TENT4B: variants seen among roughly 807,000 people sequenced by gnomAD.
TENT4B encodes the protein PAP associated domain containing 5.
TENT4B carries 10 observed loss-of-function variants against 75.0 expected under a neutral mutation model. The observed-to-expected ratio is 0.13, with a 90% CI of 0.08 to 0.23. TENT4B has a LOEUF of 0.23. TENT4B is among the 10% of genes least tolerant of loss of function. The pLI, the probability that TENT4B is intolerant of heterozygous loss-of-function variation, is 1.00. For synonymous variants in TENT4B, 350 were observed against 357.7 expected (o/e 0.98, Z 0.24); for missense variants, 579 against 893.8 (o/e 0.65, Z 4.49).
chr16:50,200,990 T>C (rs1220492221), intron 1 of TENT4B, among the ~76,000 whole-genome samples: 1 of 151,798 alleles, frequency 6.6e-6, no homozygotes, highest in South Asian at 2.1e-4. Context: ...TTTGTAGAGG[T>C]GGGATCTCGC....
chr16:50,224,843 A>C (rs536022655), intron 8 of TENT4B, 48 bp from the exon 9 acceptor site: 1 of 1,611,972 alleles, frequency 6.2e-7, no homozygotes, highest in South Asian at 1.1e-5. Context: ...TCTTATCTTC[A>C]AATTAATGTT....
At chr16:50,205,558 C>CTTTTTTTTTTTTTTTTTTTTTTTT (rs535651074) in intron 1 of TENT4B, among the ~76,000 whole-genome samples, 1 of 43,966 alleles carries the variant, frequency 2.3e-5, no homozygotes, top group African/African-American at 9.1e-5. Flanking sequence ...GTTTACATGT[C>CTTTTTTTTTTTTTTTTTTTTTTTT]TTTTTTTTTT....
Position 50,216,160 on chromosome 16 carries a change from G to C in TENT4B, c.895G>C (p.Asp299His). 6.2e-7 allele frequency: 1 copy of C among 1,614,016 alleles called. No individual in the cohort carries two copies. The highest frequency in any genetic ancestry group is 8.5e-7 in the Non-Finnish European group (1 of 1,179,882). ...EEALRKHKVA[D>H]EDSVKVLDKA... ...AGCTCTTCGGAAACACAAAGTCGCA[G>C]ATGAGGATTCGGTGAAAGTTTTAGA... is the stretch of plus-strand genomic sequence containing the variant. The change falls in exon 4 of 12, where the codon GAT becomes CAT. Residue 299 changes from aspartate (D) to histidine (H), a missense_variant. Around this residue, in one of 7 missense-constraint regions of TENT4B, gnomAD observed 55 missense variants for 77.1 expected, o/e 0.71. Coordinates refer to ENST00000561678, the MANE Select transcript of TENT4B (RefSeq NM_001365324.3).
intron 1 of TENT4B, among the ~76,000 whole-genome samples, chr16:50,175,492 C>G (rs977290167): frequency 2.0e-5 from 3 of 151,994 alleles, no homozygotes; most frequent in African/African-American, 7.2e-5. Context: ...TGTCTGGATT[C>G]TCTCTTTTTT....
intron 6 of TENT4B, 61 bp downstream of exon 6, chr16:50,222,495 G>A: frequency 2.6e-6 from 4 of 1,556,720 alleles, no homozygotes; most frequent in Non-Finnish European, 3.5e-6. Context: ...CAATCAGCTG[G>A]GAAACATTTT....
chr16:50,232,188 C>T lies in TENT4B; in HGVS notation c.*2860C>T. On this transcript the variant is annotated 3_prime_UTR_variant, in exon 12 of 12. Coordinates refer to ENST00000561678, the MANE Select transcript of TENT4B (RefSeq NM_001365324.3). ...TAAAAGTATATCCATTTTTTCCCTC[C>T]AGCTTTAAGGTGACTGTGAAGGTGC... 1.0e-6 allele frequency: 1 copy of T among 985,200 alleles called. No individual in the cohort carries two copies. The allele number at this position is 985,200 out of a possible 1,614,324, so 61.0% of individuals were successfully genotyped here. A position where few individuals can be genotyped will look rare whatever the true frequency, so the allele number is the denominator to read the frequency against.
At chr16:50,153,056 G>C (rs1161854393), upstream of TENT4B, 1 of 1,479,510 alleles carries the variant, frequency 6.8e-7, no homozygotes, top group Non-Finnish European at 8.9e-7. Context: ...CTCCACAGAT[G>C]GCGCAAGTAC....
At chr16:50,221,569 A>G (rs984205234) in intron 5 of TENT4B, among the ~76,000 whole-genome samples, 13 of 152,186 alleles carry the variant, frequency 8.5e-5, no homozygotes, top group Admixed American at 2.6e-4. Context: ...AGAATAATCT[A>G]AAGGTCGCTA....
chr16:50,216,115 C>A lies in TENT4B; in HGVS notation c.850C>A (p.Pro284Thr). 1 of 1,613,956 alleles carries A rather than the reference C, an allele frequency of 6.2e-7. No homozygotes were observed. Among genetic ancestry groups the A allele is most frequent in the Non-Finnish European group, 8.5e-7 (1 of 1,179,866 alleles). Residue 284 changes from proline to threonine, a missense_variant, in exon 4 of 12, where the codon CCC (proline) becomes ACC (threonine). Transcript: ENST00000561678. ...LVVFGKWENL[P>T]LWTLEEALRK... is the part of the protein sequence containing the mutation. ...GGTGTTTGGGAAGTGGGAGAACCTACCCCTCTGGACTCTGGAAGAAGCTCT... is the reference window on the plus strand; with the variant it reads ...GGTGTTTGGGAAGTGGGAGAACCTAACCCTCTGGACTCTGGAAGAAGCTCT...
chr16:50,185,054 C>T (rs895827195), intron 1 of TENT4B, among the ~76,000 whole-genome samples: 4 of 152,064 alleles, frequency 2.6e-5, no homozygotes, highest in African/African-American at 4.8e-5. Flanking sequence ...GAGAGAGAGG[C>T]GCTAGGGTTA....
At chr16:50,182,891 CTTTTTTTTTTTTTTTTTTTT>C (rs869060811) in intron 1 of TENT4B, among the ~76,000 whole-genome samples, 18 of 36,474 alleles carry the variant, frequency 4.9e-4, no homozygotes, top group African/African-American at 1.4e-3. Context: ...TTTATTTTAC[CTTTTTTTTTTTTTTTTTTTT>C]TTTTTTTTTT....
intron 1 of TENT4B, among the ~76,000 whole-genome samples, chr16:50,196,366 A>G (rs762848303): frequency 6.6e-6 from 1 of 150,748 alleles, no homozygotes; most frequent in Non-Finnish European, 1.5e-5. Flanking sequence ...AAAAAGATTT[A>G]TTATAGTAGT....
Position 50,194,709 on chromosome 16 carries a change from C to G in TENT4B, c.639-16614C>G, listed in dbSNP as rs1036124005. Among the ~76,000 whole-genome samples the G allele has an allele frequency of 2.7e-5, 4 of 149,390 alleles. No individual in the cohort carries two copies. In the Admixed American group the frequency reaches 2.7e-4, roughly 10 times the overall value. The stretch of plus-strand genomic sequence containing the variant: ...CACCCGCTCCTTTCCCCCACAGTAG[C>G]TGGAACTACAGGCGCTAGCCACCGT... On this transcript the variant is annotated intron_variant, in intron 1 of 11. Coordinates refer to ENST00000561678, the MANE Select transcript of TENT4B (RefSeq NM_001365324.3).
At chr16:50,194,658 C>T (rs1395134434) in intron 1 of TENT4B, among the ~76,000 whole-genome samples, 1 of 151,804 alleles carries the variant, frequency 6.6e-6, no homozygotes, top group Non-Finnish European at 1.5e-5. Context: ...TCAAGCGATA[C>T]TTGCACTTCA....
Position 50,233,155 on chromosome 16 carries a change from T to C in TENT4B, c.*3827T>C, listed in dbSNP as rs1367614415. The C allele has an allele frequency of 1.0e-6, 1 of 983,874 alleles. No individual in the cohort carries two copies. Among genetic ancestry groups the C allele is most frequent in the African/African-American group, 1.7e-5 (1 of 57,202 alleles). 60.9% of individuals were successfully genotyped at this position (983,874 alleles called of 1,614,324 possible). The stretch of plus-strand genomic sequence containing the variant: ...TTAGTAGTTACTGTTGATAGTAATT[T>C]TCATCAGGGTCATAGTTCATCTAGT... On this transcript the variant is annotated 3_prime_UTR_variant, in exon 12 of 12. Coordinates refer to ENST00000561678, the MANE Select transcript of TENT4B (RefSeq NM_001365324.3).
intron 1 of TENT4B, among the ~76,000 whole-genome samples, chr16:50,174,864 T>C (rs973492560): frequency 6.7e-6 from 1 of 148,260 alleles, no homozygotes; most frequent in Non-Finnish European, 1.5e-5. Context: ...TGCCTCAGCC[T>C]CCCGAGTAGC....
intron 1 of TENT4B, among the ~76,000 whole-genome samples, chr16:50,163,679 A>G (rs1228189696): frequency 6.6e-6 from 1 of 151,250 alleles, no homozygotes; most frequent in East Asian, 2.0e-4. Context: ...GATTACAGGC[A>G]TGAGCCACCG....
At chr16:50,216,318 C>T (rs2031550007) in intron 4 of TENT4B, 123 bp downstream of exon 4, 1 of 1,287,778 alleles carries the variant, frequency 7.8e-7, no homozygotes, top group Non-Finnish European at 1.1e-6. Flanking sequence ...TTGTTAATGT[C>T]ACCGTGCTTG....
chr16:50,166,351 C>G (rs751396941), intron 1 of TENT4B, among the ~76,000 whole-genome samples: 5 of 152,188 alleles, frequency 3.3e-5, no homozygotes, highest in Non-Finnish European at 2.9e-5. Context: ...TCCCAGAGTT[C>G]TGGGATTACA....
Sources: gnomAD v4.1 joint callset for allele counts (sites outside exome capture counted in the v4.1 genomes callset) on GRCh38, gnomAD v4.1.1 for gene constraint, gnomAD v4.1.1 regional missense constraint, MANE v1.5 for transcripts, NCBI Gene and HGNC (gene_info 2026-07-23, HGNC 2026-07-21) for gene names.